CNNM2: variants seen among roughly 807,000 people sequenced by gnomAD.
The protein encoded by CNNM2 is metal transporter CNNM2.
In CNNM2, 12 loss-of-function variants were observed where a neutral mutation model predicts 66.9. The ratio of observed to expected loss-of-function variants is 0.18; its 90% CI spans 0.11 to 0.29. The LOEUF is 0.29. CNNM2 is among the 10% of genes least tolerant of loss of function. The pLI, the probability that CNNM2 is intolerant of heterozygous loss-of-function variation, is 1.00. For synonymous variants in CNNM2, 557 were observed against 501.8 expected (o/e 1.11, Z -1.47); for missense variants, 705 against 1,167.7 (o/e 0.60, Z 5.77).
At position 103,083,967 on chromosome 10, in the gene CNNM2, T is replaced by C. The variant is rs1037636728; in HGVS notation, c.*6787T>C. 6 of 152,208 alleles carry C rather than the reference T, an allele frequency of 3.9e-5. No homozygotes were observed. The highest frequency in any genetic ancestry group is 1.4e-4 in the African/African-American group (6 of 41,442). The allele number at this position is 152,208 out of a possible 1,614,324, so 9.4% of individuals were successfully genotyped here. On this transcript the variant is annotated 3_prime_UTR_variant, in exon 8 of 8. Transcript: ENST00000369878. The stretch of plus-strand genomic sequence containing the variant: ...GGCGTGTGCAGGTGGGTCTTCAGGA[T>C]TCAGTGGATATCCTGCATTCCCCAG...
intron 1 of CNNM2, among the ~76,000 whole-genome samples, chr10:103,009,557 G>T (rs1354251392): frequency 6.6e-6 from 1 of 151,512 alleles, no homozygotes; most frequent in African/African-American, 2.4e-5. Flanking sequence ...TGAGCATGAT[G>T]GTGTGTTCCT....
intron 1 of CNNM2, among the ~76,000 whole-genome samples, chr10:102,989,766 C>T (rs780348555): frequency 6.6e-6 from 1 of 151,998 alleles, no homozygotes; most frequent in Non-Finnish European, 1.5e-5. Flanking sequence ...GGCACCACTG[C>T]ACTCCAGCCT....
intron 1 of CNNM2, among the ~76,000 whole-genome samples, chr10:103,005,213 C>T (rs969121401): frequency 6.6e-6 from 1 of 152,056 alleles, no homozygotes; most frequent in African/African-American, 2.4e-5. Flanking sequence ...TGTGTCTGGC[C>T]TAATTTCTTT....
rs1472913635 is a variant in CNNM2, at chr10:103,081,679, C to T, written c.*4499C>T. The T allele has an allele frequency of 1.3e-5, 2 of 152,152 alleles. No individual in the cohort carries two copies. Among genetic ancestry groups the T allele is most frequent in the Non-Finnish European group, 2.9e-5 (2 of 68,036 alleles). The allele number at this position is 152,152 out of a possible 1,614,324, so 9.4% of individuals were successfully genotyped here. A position where few individuals can be genotyped will look rare whatever the true frequency, so the allele number is the denominator to read the frequency against. On this transcript the variant is annotated 3_prime_UTR_variant, in exon 8 of 8. Transcript: ENST00000369878. ...CTGCTGTTACTTAGCAAGGCTGTGA[C>T]AAGTAGGCCTTCCTCCTCTAGCACT...
At chr10:102,937,285 G>A (rs1564812286) in intron 1 of CNNM2, among the ~76,000 whole-genome samples, 1 of 151,952 alleles carries the variant, frequency 6.6e-6, no homozygotes, top group African/African-American at 2.4e-5. Flanking sequence ...GGTGGCATGT[G>A]CCCCATGATC....
chr10:102,966,790 A>G (rs1366264011), intron 1 of CNNM2, among the ~76,000 whole-genome samples: 8 of 152,224 alleles, frequency 5.3e-5, no homozygotes. Context: ...GGAGGTGGGA[A>G]TAAAGGAGAC....
intron 6 of CNNM2, among the ~76,000 whole-genome samples, chr10:103,072,394 G>C (rs2065599988): frequency 6.6e-6 from 1 of 152,164 alleles, no homozygotes; most frequent in South Asian, 2.1e-4. Flanking sequence ...CGCCTCTGCT[G>C]TCCGCCAGGC....
Position 102,925,414 on chromosome 10 carries a change from G to A in CNNM2, c.1621+5313G>A, listed in dbSNP as rs184639592. On this transcript the variant is annotated intron_variant, in intron 1 of 7. Transcript: ENST00000369878. ...GGAAAGAGCTTTTGGAATCCATGTC[G>A]TTTACAGTTTCCCTGGGGTACTTCT... is the stretch of plus-strand genomic sequence containing the variant. 1.1e-3 allele frequency among the ~76,000 whole-genome samples: 160 copies of A among 147,938 alleles called. 1 individual carries two copies. The highest frequency in any genetic ancestry group is 2.8e-3 in the African/African-American group (115 of 40,754).
At chr10:102,938,944 A>C (rs1422477698) in intron 1 of CNNM2, among the ~76,000 whole-genome samples, 2 of 152,128 alleles carry the variant, frequency 1.3e-5, no homozygotes, top group Admixed American at 6.6e-5. Context: ...AGCCTCTAAT[A>C]GGAGTTATGG....
rs1448701565 is a variant in CNNM2, at chr10:103,086,241, T to C, written c.*9061T>C. 6.6e-6 allele frequency: 1 copy of C among 152,196 alleles called. No homozygotes were observed. The highest frequency in any genetic ancestry group is 2.4e-5 in the African/African-American group (1 of 41,446). 9.4% of individuals were successfully genotyped at this position (152,196 alleles called of 1,614,324 possible). On this transcript the variant is annotated 3_prime_UTR_variant, in exon 8 of 8. Transcript: ENST00000369878. ...AATTGTTCTATTTGAGGAAAAACTTTTAAGAAAAGCTGGATTCCCTGATCA... is the reference window on the plus strand; with the variant it reads ...AATTGTTCTATTTGAGGAAAAACTTCTAAGAAAAGCTGGATTCCCTGATCA...
intron 1 of CNNM2, among the ~76,000 whole-genome samples, chr10:102,956,606 G>A (rs1246873436): frequency 1.3e-5 from 2 of 152,216 alleles, no homozygotes; most frequent in African/African-American, 4.8e-5. Flanking sequence ...TAAAGAAAAT[G>A]TGGCACATAT....
intron 1 of CNNM2, among the ~76,000 whole-genome samples, chr10:103,014,025 G>C (rs1026881864): frequency 6.6e-6 from 1 of 152,186 alleles, no homozygotes; most frequent in Non-Finnish European, 1.5e-5. Context: ...CAAATTGTAA[G>C]AAACAGTATT....
chr10:103,058,384 A>G (rs574551065), intron 4 of CNNM2, among the ~76,000 whole-genome samples: 1 of 152,228 alleles, frequency 6.6e-6, no homozygotes. Context: ...GGATACATCA[A>G]AGACTGTCAC....
rs568380980 is a variant in CNNM2, at chr10:102,986,083, T to C, written c.1622-63624T>C. Among the ~76,000 whole-genome samples the C allele has an allele frequency of 2.0e-5, 3 of 152,338 alleles. No homozygotes were observed. In the East Asian group the frequency reaches 5.8e-4, roughly 29 times the overall value. Reference sequence around the variant, plus strand: ...GACTAGCTCCGATGTTCACTTGCCCTGTTTTACTTAGAGAAAGTCATCATG... The same window carrying C: ...GACTAGCTCCGATGTTCACTTGCCCCGTTTTACTTAGAGAAAGTCATCATG... On this transcript the variant is annotated intron_variant, in intron 1 of 7. Transcript: ENST00000369878.
intron 1 of CNNM2, among the ~76,000 whole-genome samples, chr10:102,939,280 A>T (rs186962599): frequency 6.6e-6 from 1 of 152,240 alleles, no homozygotes; most frequent in African/African-American, 2.4e-5. Flanking sequence ...GTCTTAGGGG[A>T]TCATTAGCTG....
Position 102,970,619 on chromosome 10 carries a change from A to G in CNNM2, c.1621+50518A>G, listed in dbSNP as rs145586376. ...TTGGTTCAGTTCCTTTTTTAGAGAT[A>G]GGGTCTCACAATGTTGCCCAGGCTG... is the stretch of plus-strand genomic sequence containing the variant. On this transcript the variant is annotated intron_variant, in intron 1 of 7. Coordinates refer to ENST00000369878, the MANE Select transcript of CNNM2 (RefSeq NM_017649.5). Among the ~76,000 whole-genome samples, 5 of 152,252 alleles carry G rather than the reference A, an allele frequency of 3.3e-5. No individual in the cohort carries two copies. The East Asian group carries it at 9.6e-4, about 29-fold the overall frequency.
intron 1 of CNNM2, among the ~76,000 whole-genome samples, chr10:102,981,703 AT>A (rs201793578): frequency 6.0e-5 from 9 of 149,624 alleles, no homozygotes; most frequent in Admixed American, 2.7e-4. Flanking sequence ...AGGGATGGTA[AT>A]TTTTTTTTTG....
intron 7 of CNNM2, 87 bp downstream of exon 7, chr10:103,076,357 T>C: frequency 1.5e-6 from 2 of 1,313,740 alleles, no homozygotes; most frequent in Non-Finnish European, 2.1e-6. Flanking sequence ...CTTGCCCTCC[T>C]CAGAACTCTC....
intron 1 of CNNM2, among the ~76,000 whole-genome samples, chr10:102,931,846 TAA>T (rs774895232): frequency 4.6e-4 from 59 of 128,016 alleles, no homozygotes; most frequent in Admixed American, 4.8e-4. Flanking sequence ...TTGTTATTGT[TAA>T]AAAAAAAAAA....
Sources: allele counts gnomAD v4.1 joint callset (sites outside exome capture counted in the v4.1 genomes callset), GRCh38; gene constraint gnomAD v4.1.1; transcripts MANE v1.5; gene names NCBI Gene and HGNC (gene_info 2026-07-23, HGNC 2026-07-21).